Variants in TUSC3 observed in about 807,000 individuals in gnomAD.
TUSC3 encodes the protein tumor suppressor candidate 3, also known as dolichyl-diphosphooligosaccharide--protein glycosyltransferase subunit TUSC3.
A neutral mutation model predicts 44.8 loss-of-function variants in TUSC3; 45 were observed. That is an observed-to-expected ratio of 1.00 (90% CI 0.79 to 1.29). TUSC3 has a LOEUF of 1.29. Among genes scored for constraint, TUSC3 ranks in the 50% most tolerant of loss-of-function variants. The pLI is 0.00. For synonymous variants in TUSC3, 212 were observed against 152.9 expected (o/e 1.39, Z -2.85); for missense variants, 519 against 437.9 (o/e 1.19, Z -1.65).
intron 1 of TUSC3, among the ~76,000 whole-genome samples, chr8:15,420,784 C>A (rs979214859): frequency 1.3e-5 from 2 of 152,108 alleles, no homozygotes; most frequent in Non-Finnish European, 2.9e-5. Context: ...GATGCACTTT[C>A]TTCACTTGGC....
intron 2 of TUSC3, among the ~76,000 whole-genome samples, chr8:15,490,259 A>T (rs1019474472): frequency 6.6e-6 from 1 of 152,208 alleles, no homozygotes; most frequent in African/African-American, 2.4e-5. Context: ...AGACACTGTT[A>T]CCAGAGGGCA....
chr8:15,723,962 A>G (rs1286822369), intron 6 of TUSC3, among the ~76,000 whole-genome samples: 1 of 152,158 alleles, frequency 6.6e-6, no homozygotes, highest in African/African-American at 2.4e-5. Flanking sequence ...CTTTCCCTCT[A>G]AAAGTCAGAT....
At chr8:15,520,882 C>G (rs1801288195) in intron 2 of TUSC3, among the ~76,000 whole-genome samples, 2 of 152,140 alleles carry the variant, frequency 1.3e-5, no homozygotes, top group African/African-American at 2.4e-5. Context: ...GAAATAGAAG[C>G]AAACCACCCT....
At chr8:15,672,931 T>C (rs1273622165) in intron 5 of TUSC3, among the ~76,000 whole-genome samples, 1 of 152,088 alleles carries the variant, frequency 6.6e-6, no homozygotes, top group Admixed American at 6.6e-5. Context: ...AAGGAGTGAT[T>C]GGGCAAGTTA....
intron 1 of TUSC3, among the ~76,000 whole-genome samples, chr8:15,481,514 C>G (rs554351118): frequency 1.3e-5 from 2 of 152,174 alleles, no homozygotes; most frequent in South Asian, 4.1e-4. Flanking sequence ...GAACCATGAT[C>G]CAATAAATTT....
rs1057288778 is a variant in TUSC3, at chr8:15,643,909, T to C, written c.309-6788T>C. Among the ~76,000 whole-genome samples, 4 of 152,188 alleles carry C rather than the reference T, an allele frequency of 2.6e-5. No individual in the cohort carries two copies. In the South Asian group the frequency reaches 8.3e-4, roughly 31 times the overall value. On this transcript the variant is annotated intron_variant, in intron 2 of 10. Transcript: ENST00000503731. ...GTGTATCACTGTCTATAGAATTTTT[T>C]TATTTGGGGTTTTATTATGGCATAA...
intron 8 of TUSC3, among the ~76,000 whole-genome samples, chr8:15,746,357 G>A (rs1563202587): frequency 6.6e-6 from 1 of 152,012 alleles, no homozygotes; most frequent in Non-Finnish European, 1.5e-5. Context: ...ATGAAAGTGA[G>A]CTGGAAAACA....
At chr8:15,444,800 A>G (rs1800070674) in intron 1 of TUSC3, among the ~76,000 whole-genome samples, 1 of 152,154 alleles carries the variant, frequency 6.6e-6, no homozygotes, top group Non-Finnish European at 1.5e-5. Context: ...ACCCTCTTAA[A>G]ATGGTGACCA....
intron 1 of TUSC3, among the ~76,000 whole-genome samples, chr8:15,602,468 A>G (rs1424087229): frequency 6.6e-6 from 1 of 151,516 alleles, no homozygotes; most frequent in Non-Finnish European, 1.5e-5. Flanking sequence ...ACTTGTAAAA[A>G]GTATTGTGTT....
At chr8:15,704,984 G>T (rs1384210935) in intron 6 of TUSC3, among the ~76,000 whole-genome samples, 1 of 150,884 alleles carries the variant, frequency 6.6e-6, no homozygotes, top group Non-Finnish European at 1.5e-5. Context: ...TGGAACACTT[G>T]TTATATAACT....
chr8:15,790,763 G>A, the TUSC3 span, among the ~76,000 whole-genome samples: 4 of 152,096 alleles, frequency 2.6e-5, no homozygotes, highest in Admixed American at 6.5e-5. Context: ...ACTCAAACTT[G>A]AGAATCAAGG....
At chr8:15,519,187 A>G (rs1234799634) in intron 2 of TUSC3, among the ~76,000 whole-genome samples, 1 of 152,164 alleles carries the variant, frequency 6.6e-6, no homozygotes, top group African/African-American at 2.4e-5. Context: ...TTTGAGAATA[A>G]TGATCATGTT....
intron 2 of TUSC3, among the ~76,000 whole-genome samples, chr8:15,505,474 G>C (rs1448880904): frequency 6.6e-6 from 1 of 152,122 alleles, no homozygotes; most frequent in Non-Finnish European, 1.5e-5. Flanking sequence ...ATTCCTGTTG[G>C]TAAAATCTCC....
rs114655743 is a variant in TUSC3, at chr8:15,643,693, C to G, written c.309-7004C>G. The stretch of plus-strand genomic sequence containing the variant: ...CAATATGGTAGTGAACTGTTGATTT[C>G]TCAGCTCTTCAGAGGCCTTAGGTCT... On this transcript the variant is annotated intron_variant, in intron 2 of 10. Transcript: ENST00000503731. Among the ~76,000 whole-genome samples the G allele has an allele frequency of 6.7e-3, 1,027 of 152,242 alleles. 10 individuals are homozygous for G. Among genetic ancestry groups the G allele is most frequent in the African/African-American group, 0.024 (977 of 41,540 alleles).
At chr8:15,849,506 T>A in the TUSC3 span, among the ~76,000 whole-genome samples, 1 of 152,022 alleles carries the variant, frequency 6.6e-6, no homozygotes, top group Non-Finnish European at 1.5e-5. Context: ...CTGTAGAAGA[T>A]AAACTGAAAT....
chr8:15,747,291 T>C (rs2129216943), intron 8 of TUSC3, among the ~76,000 whole-genome samples: 1 of 152,164 alleles, frequency 6.6e-6, no homozygotes, highest in East Asian at 1.9e-4. Context: ...TGCTTTAATC[T>C]TTCTCTATTT....
Position 15,623,211 on chromosome 8 carries a change from C to G in TUSC3, c.270C>G (p.Phe90Leu), listed in dbSNP as rs752516598. Residue 90 changes from phenylalanine to leucine, a missense_variant, in exon 2 of 11, where the codon TTC becomes TTG. Coordinates refer to ENST00000503731, the MANE Select transcript of TUSC3 (RefSeq NM_006765.4). ...PPRNYSMIVMFTALQPQRQCS... is the reference protein window; with the variant it reads ...PPRNYSMIVMLTALQPQRQCS... The stretch of plus-strand genomic sequence containing the variant: ...GAAACTATTCCATGATTGTTATGTT[C>G]ACTGCTCTTCAGCCTCAGCGGCAGT... 1 of 1,611,830 alleles carries G rather than the reference C, an allele frequency of 6.2e-7. No individual in the cohort carries two copies. The highest frequency in any genetic ancestry group is 1.1e-5 in the South Asian group (1 of 90,384).
intron 1 of TUSC3, among the ~76,000 whole-genome samples, chr8:15,575,304 C>T (rs916628453): frequency 6.6e-6 from 1 of 152,022 alleles, no homozygotes; most frequent in African/African-American, 2.4e-5. Flanking sequence ...TATTAAGATT[C>T]CTCAGTGAGA....
At chr8:15,778,830 A>T in the TUSC3 span, among the ~76,000 whole-genome samples, 2 of 152,078 alleles carry the variant, frequency 1.3e-5, no homozygotes, top group African/African-American at 4.8e-5. Flanking sequence ...ACACCAAGAA[A>T]CTCTTTATGC....
Sources: gnomAD v4.1 joint callset for allele counts (sites outside exome capture counted in the v4.1 genomes callset) on GRCh38, gnomAD v4.1.1 for gene constraint, MANE v1.5 for transcripts, NCBI Gene and HGNC (gene_info 2026-07-23, HGNC 2026-07-21) for gene names.